The following NCOA1 variants were observed in gnomAD, a reference collection of about 807,000 sequenced individuals.
The protein encoded by NCOA1 is Hin-2 protein.
In NCOA1, 35 loss-of-function variants were observed where a neutral mutation model predicts 150.9. The ratio of observed to expected loss-of-function variants is 0.23; its 90% CI spans 0.18 to 0.31. The LOEUF is 0.31. NCOA1 is among the 10% of genes least tolerant of loss of function. The pLI is 1.00. For missense variants in NCOA1, 1,491 were observed against 1,749.3 expected, an observed-to-expected ratio of 0.85 and a Z score of 2.63; for synonymous variants, 590 against 630.0, an observed-to-expected ratio of 0.94 and a Z score of 0.95.
intron 17 of NCOA1, among the ~76,000 whole-genome samples, chr2:24,735,848 A>G (rs1035006768): frequency 6.6e-6 from 1 of 152,206 alleles, no homozygotes; most frequent in Admixed American, 6.5e-5. Context: ...ATATATCCGT[A>G]ATATCAGTAA....
rs368427767 is a variant in NCOA1, at chr2:24,664,706, C to CA, written c.90-1033dup. Among the ~76,000 whole-genome samples, 397 of 144,808 alleles carry CA rather than the reference C, an allele frequency of 2.7e-3. 3 individuals are homozygous for CA. Among genetic ancestry groups the CA allele is most frequent in the South Asian group, 0.019 (85 of 4,544 alleles). The allele number at this position is 144,808 out of a possible 152,430, so 95.0% of individuals were successfully genotyped here. A position where few individuals can be genotyped will look rare whatever the true frequency, so the allele number is the denominator to read the frequency against. On this transcript the variant is annotated intron_variant, in intron 5 of 22. Transcript: ENST00000348332. Reference sequence around the variant, plus strand: ...CTGGCCTCACAGCAAGATTCCATCTCAAAAAAAAAAGAAAAAGAAAAGAAA... The same window carrying CA: ...CTGGCCTCACAGCAAGATTCCATCTCAAAAAAAAAAAGAAAAAGAAAAGAAA...
intron 9 of NCOA1, 118 bp downstream of exon 9, chr2:24,691,778 C>G: frequency 1.1e-6 from 1 of 926,074 alleles, no homozygotes. Flanking sequence ...TAATATGTAT[C>G]ATAGTGGCTA....
At chr2:24,499,727 C>G (rs1221704465) in intron 1 of NCOA1, among the ~76,000 whole-genome samples, 1 of 152,130 alleles carries the variant, frequency 6.6e-6, no homozygotes, top group Non-Finnish European at 1.5e-5. Flanking sequence ...ATTTATTTTA[C>G]TGATTTATTT....
chr2:24,551,552 A>G (rs146433232), intron 1 of NCOA1, among the ~76,000 whole-genome samples: 236 of 152,208 alleles, frequency 1.6e-3, no homozygotes, highest in Middle Eastern at 6.8e-3. Flanking sequence ...CAAACTAACG[A>G]CCTAATTCAG....
intron 3 of NCOA1, among the ~76,000 whole-genome samples, chr2:24,622,880 A>G (rs1669234346): frequency 6.6e-6 from 1 of 152,174 alleles, no homozygotes; most frequent in African/African-American, 2.4e-5. Context: ...TACTCAATAG[A>G]TTTTTAAGTT....
At chr2:24,726,545 C>T in intron 14 of NCOA1, 44 bp from the exon 15 acceptor site, 1 of 1,201,634 alleles carries the variant, frequency 8.3e-7, no homozygotes, top group Non-Finnish European at 1.2e-6. Context: ...ATCATTTTAT[C>T]CTCCACTGAG....
chr2:24,648,516 C>G (rs1375724288), intron 4 of NCOA1, among the ~76,000 whole-genome samples: 1 of 152,138 alleles, frequency 6.6e-6, no homozygotes, highest in Non-Finnish European at 1.5e-5. Flanking sequence ...CATGATCCAC[C>G]CGCCTTGGCC....
chr2:24,546,467 T>C (rs1490559295), intron 1 of NCOA1, among the ~76,000 whole-genome samples: 1 of 152,228 alleles, frequency 6.6e-6, no homozygotes, highest in African/African-American at 2.4e-5. Context: ...TTTCTAAAAT[T>C]ATATTTGAAA....
At chr2:24,712,443 A>G (rs778487345) in intron 14 of NCOA1, among the ~76,000 whole-genome samples, 3 of 152,214 alleles carry the variant, frequency 2.0e-5, no homozygotes, top group East Asian at 1.9e-4. Flanking sequence ...ATGTGAGTAT[A>G]TAAGTACAAA....
At chr2:24,506,173 G>T (rs978837894) in intron 1 of NCOA1, among the ~76,000 whole-genome samples, 1 of 151,810 alleles carries the variant, frequency 6.6e-6, no homozygotes, top group Non-Finnish European at 1.5e-5. Flanking sequence ...CCAGACCCCT[G>T]TTGGCATCAT....
chr2:24,525,627 G>A (rs1305239322), intron 1 of NCOA1, among the ~76,000 whole-genome samples: 6 of 151,806 alleles, frequency 4.0e-5, no homozygotes, highest in Admixed American at 2.6e-4. Flanking sequence ...GCTCACTGCG[G>A]CCTCTGCCTC....
chr2:24,492,714 G>A (rs967540131), intron 1 of NCOA1, among the ~76,000 whole-genome samples: 9 of 152,156 alleles, frequency 5.9e-5, no homozygotes, highest in African/African-American at 2.4e-5. Flanking sequence ...AATGTCGAGT[G>A]TGATGTTGGT....
At chr2:24,753,603 T>C (rs974248763) in intron 20 of NCOA1, among the ~76,000 whole-genome samples, 4 of 152,198 alleles carry the variant, frequency 2.6e-5, no homozygotes, top group African/African-American at 7.2e-5. Flanking sequence ...TATTTGAGCA[T>C]TTATTCTTTC....
At chr2:24,513,236 G>A (rs951653534) in intron 1 of NCOA1, among the ~76,000 whole-genome samples, 8 of 152,060 alleles carry the variant, frequency 5.3e-5, no homozygotes, top group Admixed American at 1.3e-4. Flanking sequence ...GTAAAACATT[G>A]TGGAGTTCAG....
intron 4 of NCOA1, among the ~76,000 whole-genome samples, chr2:24,647,535 TATC>T (rs987973946): frequency 2.0e-5 from 3 of 152,180 alleles, no homozygotes; most frequent in Non-Finnish European, 2.9e-5. Flanking sequence ...TAGTATTCAT[TATC>T]ATCATCATCA....
intron 3 of NCOA1, among the ~76,000 whole-genome samples, chr2:24,626,025 T>C (rs953420001): frequency 2.6e-5 from 4 of 152,232 alleles, no homozygotes; most frequent in Non-Finnish European, 5.9e-5. Flanking sequence ...TTGAGGTGGC[T>C]GATCAGATCT....
chr2:24,707,164 G>T lies in NCOA1; in HGVS notation c.1694G>T (p.Ser565Ile). 6.2e-7 allele frequency: 1 copy of T among 1,614,200 alleles called. No homozygotes were observed. The highest frequency in any genetic ancestry group is 8.5e-7 in the Non-Finnish European group (1 of 1,180,046). ...SASSPVLRQM[S>I]SQNSPSRLNI... ...AGTTCTCCAGTCCTCAGGCAGATGAGCTCACAGAATTCACCTAGCAGATTA... is the reference window on the plus strand; with the variant it reads ...AGTTCTCCAGTCCTCAGGCAGATGATCTCACAGAATTCACCTAGCAGATTA... Residue 565 changes from serine (S) to isoleucine (I), a missense_variant, in exon 13 of 23, where the codon AGC (serine) becomes ATC (isoleucine). By Grantham distance (142) the Ser-to-Ile change is moderately radical (BLOSUM62 -2). Coordinates refer to ENST00000348332, the MANE Select transcript of NCOA1 (RefSeq NM_003743.5).
chr2:24,683,294 G>A (rs1041772410), intron 8 of NCOA1, among the ~76,000 whole-genome samples, 166 bp downstream of exon 8: 8 of 152,056 alleles, frequency 5.3e-5, no homozygotes, highest in African/African-American at 1.9e-4. Flanking sequence ...ATATAAATAT[G>A]AAGGGGAGTT....
In NCOA1 at chr2:24,491,256, C is replaced by A. The variant is rs1284259357; in HGVS notation, c.-742C>A. Among the ~76,000 whole-genome samples the A allele has an allele frequency of 1.4e-5, 2 of 146,800 alleles. No homozygotes were observed. Among genetic ancestry groups the A allele is most frequent in the Non-Finnish European group, 3.0e-5 (2 of 66,074 alleles). Reference sequence around the variant, plus strand: ...CGCGAGCGGGGGGCGGTGGCGGCGGCGGCGGTGGCGGCCGAGGAGGAGAAC... The same window carrying A: ...CGCGAGCGGGGGGCGGTGGCGGCGGAGGCGGTGGCGGCCGAGGAGGAGAAC... On this transcript the variant is annotated 5_prime_UTR_variant, in exon 1 of 23. Coordinates refer to ENST00000348332, the MANE Select transcript of NCOA1 (RefSeq NM_003743.5).
Sources: allele counts gnomAD v4.1 joint callset (sites outside exome capture counted in the v4.1 genomes callset), GRCh38; gene constraint gnomAD v4.1.1; transcripts MANE v1.5; gene names NCBI Gene and HGNC (gene_info 2026-07-23, HGNC 2026-07-21).